Variants in ZNF521 observed in about 807,000 individuals in gnomAD.
The protein encoded by ZNF521 is LYST-interacting protein 3.
ZNF521 carries 14 observed loss-of-function variants against 105.5 expected under a neutral mutation model. That is an observed-to-expected ratio of 0.13 (90% CI 0.09 to 0.21). The LOEUF is 0.21. ZNF521 is among the 10% of genes least tolerant of loss of function. The probability of loss-of-function intolerance (pLI) is 1.00; values close to 1 mark genes in which losing one functional copy is unlikely to be tolerated. For synonymous variants in ZNF521, 635 were observed against 606.0 expected, an observed-to-expected ratio of 1.05 and a Z score of -0.70; for missense variants, 1,233 against 1,629.7, an observed-to-expected ratio of 0.76 and a Z score of 4.19.
rs112698467 is a variant in ZNF521 at position 25,297,142 on chromosome 18, C to CACACAT, written c.220+24865_220+24866insATGTGT. ...CCCTTTATACACACACACACACACA[C>CACACAT]ATATATATATATACTGAATTAAAAT... is the stretch of plus-strand genomic sequence containing the variant. On this transcript the variant is annotated intron_variant, in intron 3 of 7. Coordinates refer to ENST00000361524, the MANE Select transcript of ZNF521 (RefSeq NM_015461.3). Among the ~76,000 whole-genome samples, 1,301 of 146,296 alleles carry CACACAT rather than the reference C, an allele frequency of 8.9e-3. 21 individuals carry two copies. Among genetic ancestry groups the CACACAT allele is most frequent in the East Asian group, 0.084 (418 of 4,962 alleles).
chr18:25,213,156 AAT>A (rs1421218594), intron 4 of ZNF521, among the ~76,000 whole-genome samples: 2 of 147,742 alleles, frequency 1.4e-5, no homozygotes, highest in African/African-American at 2.5e-5. Flanking sequence ...TCAGTATAAT[AAT>A]ATAGTTACAT....
chr18:25,215,474 C>T (rs79575578), intron 4 of ZNF521, among the ~76,000 whole-genome samples: 6,276 of 152,136 alleles, frequency 0.041, 422 homozygotes, highest in African/African-American at 0.14. Context: ...TAGATATTTA[C>T]TAATCTCCAT....
At chr18:25,151,692 G>A (rs1200417373) in intron 5 of ZNF521, among the ~76,000 whole-genome samples, 1 of 152,116 alleles carries the variant, frequency 6.6e-6, no homozygotes, top group Non-Finnish European at 1.5e-5. Flanking sequence ...AGGAGTCAAG[G>A]CAGGCATCAT....
At chr18:25,279,697 GTT>G (rs1266321902) in intron 3 of ZNF521, among the ~76,000 whole-genome samples, 1 of 152,178 alleles carries the variant, frequency 6.6e-6, no homozygotes, top group Non-Finnish European at 1.5e-5. Context: ...ATATGCAAGC[GTT>G]TTAACTTCAC....
In ZNF521 at chr18:25,330,647, TTTC is replaced by T. The variant is rs1193637448; in HGVS notation, c.41-8463_41-8461del. ...AAAGAGACATTGATTCTAATATCTCTTTCTTATTTCTTCTTTAAATATATCATT... is the reference window on the plus strand; with the variant it reads ...AAAGAGACATTGATTCTAATATCTCTTTATTTCTTCTTTAAATATATCATT... On this transcript the variant is annotated intron_variant, in intron 2 of 7. Coordinates refer to ENST00000361524, the MANE Select transcript of ZNF521 (RefSeq NM_015461.3). Among the ~76,000 whole-genome samples, 6 of 152,226 alleles carry T rather than the reference TTTC, an allele frequency of 3.9e-5. No individual in the cohort carries two copies. The East Asian group carries it at 1.2e-3, about 29-fold the overall frequency.
In ZNF521 at chr18:25,166,591, C is replaced by T. The variant is rs556474882; in HGVS notation, c.3658+28569G>A. On this transcript the variant is annotated intron_variant, in intron 5 of 7. Transcript: ENST00000361524. Reference sequence around the variant, plus strand: ...TACACTTCACTATATTGTACACTGTCAATCTTTCTTCTTTCTGTTGTTTGT... The same window carrying T: ...TACACTTCACTATATTGTACACTGTTAATCTTTCTTCTTTCTGTTGTTTGT... Among the ~76,000 whole-genome samples, 4 of 152,278 alleles carry T rather than the reference C, an allele frequency of 2.6e-5. No individual in the cohort carries two copies. In the South Asian group the frequency reaches 8.3e-4, roughly 32 times the overall value.
chr18:25,082,161 G>A (rs1045025800), intron 7 of ZNF521, among the ~76,000 whole-genome samples: 1 of 152,168 alleles, frequency 6.6e-6, no homozygotes, highest in Admixed American at 6.5e-5. Context: ...ACAAAGCAAA[G>A]AAATGAGGTG....
chr18:25,266,555 C>T (rs1220996860), intron 3 of ZNF521, among the ~76,000 whole-genome samples: 1 of 152,050 alleles, frequency 6.6e-6, no homozygotes, highest in Non-Finnish European at 1.5e-5. Context: ...GTACCCAGTT[C>T]ATCTCATTGG....
chr18:25,345,590 G>A (rs1049626944), intron 2 of ZNF521, among the ~76,000 whole-genome samples: 1 of 152,208 alleles, frequency 6.6e-6, no homozygotes, highest in African/African-American at 2.4e-5. Context: ...GGAAGATGCT[G>A]CCAGAAGTGC....
At chr18:25,340,158 C>G (rs139198181) in intron 2 of ZNF521, among the ~76,000 whole-genome samples, 131 of 152,066 alleles carry the variant, frequency 8.6e-4, no homozygotes, top group African/African-American at 3.1e-3. Context: ...AGTTTGAGAC[C>G]AGCCTAGCCA....
chr18:25,112,568 A>G (rs1229694667), intron 5 of ZNF521, among the ~76,000 whole-genome samples: 1 of 152,164 alleles, frequency 6.6e-6, no homozygotes, highest in African/African-American at 2.4e-5. Context: ...ACACACTCCC[A>G]TCCAGCGCAT....
In ZNF521 at chr18:25,225,163, C is replaced by T. The variant is rs780484925; in HGVS notation, c.2755G>A (p.Val919Met). 8.7e-6 allele frequency: 14 copies of T among 1,613,978 alleles called. No individual in the cohort carries two copies. The highest frequency in any genetic ancestry group is 2.2e-5 in the East Asian group (1 of 44,878). ...HNIRPGESAI[V>M]KKKAELIKGN... ...TTAATGAGCTCAGCTTTCTTTTTCA[C>T]GATGGCACTTTCTCCAGGTCTGATG... is the stretch of plus-strand genomic sequence containing the variant. Residue 919 changes from valine (V) to methionine (M), a missense_variant, in exon 4 of 8, where the codon GTG (valine) becomes ATG (methionine). Transcript: ENST00000361524. The surrounding 1 kb of genome is among the most constrained non-coding windows in gnomAD (Gnocchi z 5.6).
At chr18:25,111,459 G>C (rs765076189) in intron 5 of ZNF521, among the ~76,000 whole-genome samples, 1 of 152,136 alleles carries the variant, frequency 6.6e-6, no homozygotes, top group African/African-American at 2.4e-5. Flanking sequence ...TAGTTACTAG[G>C]GAAAAATACA....
chr18:25,313,719 C>A (rs1308666892), intron 3 of ZNF521, among the ~76,000 whole-genome samples: 1 of 151,932 alleles, frequency 6.6e-6, no homozygotes, highest in East Asian at 1.9e-4. Flanking sequence ...TTTTTAATTT[C>A]TGTTTTTGTG....
At chr18:25,242,918 G>A (rs958923010) in intron 3 of ZNF521, among the ~76,000 whole-genome samples, 8 of 152,270 alleles carry the variant, frequency 5.3e-5, no homozygotes, top group Admixed American at 1.3e-4. Context: ...GTTACAATAC[G>A]TTCTCACTAG....
intron 3 of ZNF521, among the ~76,000 whole-genome samples, chr18:25,260,676 G>C (rs1908846135): frequency 6.6e-6 from 1 of 152,078 alleles, no homozygotes; most frequent in Non-Finnish European, 1.5e-5. Context: ...CTCCAAAAAA[G>C]CAGTGGATTT....
intron 3 of ZNF521, among the ~76,000 whole-genome samples, chr18:25,300,011 A>T (rs1328427108): frequency 6.6e-6 from 1 of 152,232 alleles, no homozygotes; most frequent in Non-Finnish European, 1.5e-5. Context: ...TACTTTAACC[A>T]ACAGAGAACA....
intron 3 of ZNF521, among the ~76,000 whole-genome samples, chr18:25,289,661 AC>A (rs1419175035): frequency 2.6e-5 from 4 of 151,898 alleles, no homozygotes; most frequent in Non-Finnish European, 4.4e-5. Context: ...TTCCCCACTT[AC>A]CCCCAACTCT....
intron 4 of ZNF521, among the ~76,000 whole-genome samples, chr18:25,217,285 T>C (rs1452587839): frequency 3.3e-5 from 5 of 152,070 alleles, no homozygotes; most frequent in Non-Finnish European, 7.4e-5. Flanking sequence ...CGAGAAACAA[T>C]TGCAGCCTAG....
Sources: allele counts gnomAD v4.1 joint callset (sites outside exome capture counted in the v4.1 genomes callset), GRCh38; gene constraint gnomAD v4.1.1; non-coding constraint Gnocchi (gnomAD v3.1); transcripts MANE v1.5; gene names NCBI Gene and HGNC (gene_info 2026-07-23, HGNC 2026-07-21).